The following CFAP251 variants were observed in gnomAD, a reference collection of about 807,000 sequenced individuals.
The protein encoded by CFAP251 is cilia and flagella associated protein 251, also known as cilia- and flagella-associated protein 251.
Under a neutral mutation model 126.7 loss-of-function variants are expected in CFAP251, and 93 were observed. That is an observed-to-expected ratio of 0.73 (90% CI 0.62 to 0.87). The LOEUF (loss-of-function observed/expected upper bound fraction) is 0.87. Among genes scored for constraint, CFAP251 ranks in the 40% least tolerant of loss-of-function variants. CFAP251 has a pLI of 0.00. For missense variants in CFAP251, 1,287 were observed against 1,389.2 expected, an observed-to-expected ratio of 0.93 and a Z score of 1.17; for synonymous variants, 503 against 506.9, an observed-to-expected ratio of 0.99 and a Z score of 0.10.
At chr12:121,953,899 T>C (rs1565911065) in intron 9 of CFAP251, 1 of 533,232 alleles carries the variant, frequency 1.9e-6, no homozygotes, top group Non-Finnish European at 3.3e-6. Context: ...AACAATGTAA[T>C]TGAACAGAGT....
At chr12:121,962,785 CCAGA>C (rs1403463032) in intron 15 of CFAP251, among the ~76,000 whole-genome samples, 1 of 151,326 alleles carries the variant, frequency 6.6e-6, no homozygotes, top group African/African-American at 2.4e-5. Context: ...ATCTGAGCAT[CCAGA>C]CAGAGACTTG....
chr12:121,924,020 G>C, intron 3 of CFAP251, 30 bp downstream of exon 3: 1 of 1,443,438 alleles, frequency 6.9e-7, no homozygotes, highest in South Asian at 1.3e-5. Flanking sequence ...ATCTCCCCCA[G>C]TGCTTTTGAG....
At chr12:121,992,649 C>A in intron 19 of CFAP251, 1 of 366,582 alleles carries the variant, frequency 2.7e-6, no homozygotes, top group Non-Finnish European at 3.8e-6. Context: ...ACAATCACGG[C>A]TCAGTGCAGC....
rs772761430 is a variant in CFAP251 at position 122,001,546 on chromosome 12, TG to T, written c.3287del (p.Gly1096AlafsTer2). The stretch of plus-strand genomic sequence containing the variant: ...TGTTGGATTGCTTTGCTTCACTGTT[TG>T]GCCTGAATCCCGAGGGATGGAAATC... Reference protein sequence around the residue: ...EMLDCFASLFGLNPEGWKSEP... With the variant: ...EMLDCFASLFXLNPEGWKSEP... On this transcript the variant is annotated frameshift_variant, in exon 21 of 22. Transcript: ENST00000288912. LOFTEE classifies it high-confidence loss of function. 1 of 1,614,050 alleles carries T rather than the reference TG, an allele frequency of 6.2e-7. No individual in the cohort carries two copies. The highest frequency in any genetic ancestry group is 2.2e-5 in the East Asian group (1 of 44,900).
intron 19 of CFAP251, among the ~76,000 whole-genome samples, chr12:121,981,007 C>T (rs1466561498): frequency 2.0e-5 from 3 of 152,192 alleles, no homozygotes; most frequent in Non-Finnish European, 4.4e-5. Flanking sequence ...AGGGTCTGTG[C>T]GGTGCCCAGC....
intron 12 of CFAP251, among the ~76,000 whole-genome samples, 157 bp from the exon 13 acceptor site, chr12:121,958,786 A>G (rs371620958): frequency 2.6e-3 from 389 of 152,278 alleles, no homozygotes; most frequent in African/African-American, 9.1e-3. Flanking sequence ...CTGCGCGCTC[A>G]CCCCAGGAGA....
chr12:121,929,421 T>C (rs1880588241), intron 3 of CFAP251, among the ~76,000 whole-genome samples: 1 of 151,466 alleles, frequency 6.6e-6, no homozygotes, highest in South Asian at 2.1e-4. Context: ...TTTCACAGTT[T>C]TCCCTTTTAT....
chr12:121,929,954 AGGCGTGAGC>A (rs1880612927), intron 3 of CFAP251, among the ~76,000 whole-genome samples: 3 of 152,046 alleles, frequency 2.0e-5, no homozygotes, highest in Admixed American at 2.0e-4. Flanking sequence ...TTGGGATTAC[AGGCGTGAGC>A]CACTGTGCCG....
Position 121,962,006 on chromosome 12 carries a change from A to G in CFAP251, c.2336A>G (p.Lys779Arg), listed in dbSNP as rs1881955102. The G allele has an allele frequency of 1.1e-5, 17 of 1,613,834 alleles. No homozygotes were observed. The East Asian group carries it at 3.6e-4, about 34-fold the overall frequency. ...LIEYDLLRSY[K>R]DHLEVLDIHH... is the part of the protein sequence containing the mutation. ...GAGTATGATCTTCTCAGGAGCTACA[A>G]AGACCACCTGGAAGTCCTGGACATT... Residue 779 changes from lysine (K) to arginine (R), a missense_variant, in exon 15 of 22, where the codon AAA becomes AGA. Transcript: ENST00000288912.
At position 121,999,753 on chromosome 12, in the gene CFAP251, A is replaced by G; in HGVS notation, c.3044A>G (p.Tyr1015Cys). 1 of 1,613,060 alleles carries G rather than the reference A, an allele frequency of 6.2e-7. No homozygotes were observed. The highest frequency in any genetic ancestry group is 8.5e-7 in the Non-Finnish European group (1 of 1,179,154). The part of the protein sequence containing the change: ...DIFNEIKFGE[Y>C]VDTGKLIDKI... ...TTTAACGAAATCAAATTTGGTGAAT[A>G]TGTGGACACTGGAAAGCTAATCGAC... is the stretch of plus-strand genomic sequence containing the variant. Residue 1015 changes from tyrosine (Y) to cysteine (C), a missense_variant, in exon 20 of 22, where the codon TAT becomes TGT. By Grantham distance (194) the Tyr-to-Cys change is radical. Transcript: ENST00000288912.
chr12:121,975,120 A>C, intron 17 of CFAP251, 124 bp from the exon 18 acceptor site: 3 of 715,000 alleles, frequency 4.2e-6, no homozygotes, highest in Non-Finnish European at 4.8e-6. Context: ...ACAAGTGTGT[A>C]GAGACCCTAA....
intron 13 of CFAP251, chr12:121,959,445 G>A (rs10840635): frequency 0.18 from 33,609 of 184,532 alleles, 6,995 homozygotes; most frequent in African/African-American, 0.54. Flanking sequence ...AGTGGTCTTC[G>A]CTAAACTCCT....
chr12:121,964,371 T>C (rs1020385492), intron 15 of CFAP251, among the ~76,000 whole-genome samples: 18 of 152,190 alleles, frequency 1.2e-4, no homozygotes, highest in African/African-American at 4.3e-4. Context: ...GGACAAAGAA[T>C]ATCTCTCAGA....
chr12:121,988,267 G>C (rs1284867846), intron 19 of CFAP251, among the ~76,000 whole-genome samples: 3 of 151,994 alleles, frequency 2.0e-5, no homozygotes, highest in Non-Finnish European at 4.4e-5. Flanking sequence ...TAATTCACCT[G>C]TTTAGAGGAT....
chr12:121,938,870 A>C (rs1880994879), intron 5 of CFAP251, among the ~76,000 whole-genome samples: 1 of 151,672 alleles, frequency 6.6e-6, no homozygotes, highest in Non-Finnish European at 1.5e-5. Context: ...CACTCCTGTA[A>C]TCCCACCTAC....
intron 5 of CFAP251, among the ~76,000 whole-genome samples, chr12:121,936,104 G>A (rs1171994509): frequency 6.6e-6 from 1 of 152,172 alleles, no homozygotes; most frequent in Non-Finnish European, 1.5e-5. Flanking sequence ...ATGAGAGGGG[G>A]CCTTTGGGAA....
At chr12:121,985,738 G>T (rs1882731623) in intron 19 of CFAP251, among the ~76,000 whole-genome samples, 1 of 151,800 alleles carries the variant, frequency 6.6e-6, no homozygotes, top group African/African-American at 2.4e-5. Flanking sequence ...TGGGACTACA[G>T]GCCCTCCAAA....
intron 17 of CFAP251, among the ~76,000 whole-genome samples, chr12:121,973,072 G>A (rs1289754983): frequency 6.6e-6 from 1 of 152,212 alleles, no homozygotes; most frequent in Non-Finnish European, 1.5e-5. Flanking sequence ...CAGTCCTGGA[G>A]GCCTAGGAGA....
chr12:121,995,964 C>T (rs1593009185), intron 19 of CFAP251, among the ~76,000 whole-genome samples: 3 of 152,212 alleles, frequency 2.0e-5, no homozygotes, highest in South Asian at 2.1e-4. Flanking sequence ...CAAATCTCAC[C>T]GAAATTGTGA....
Sources: gnomAD v4.1 joint callset for allele counts (sites outside exome capture counted in the v4.1 genomes callset) on GRCh38, gnomAD v4.1.1 for gene constraint, MANE v1.5 for transcripts, NCBI Gene and HGNC (gene_info 2026-07-23, HGNC 2026-07-21) for gene names.